The following SLC22A25 variants were observed in gnomAD, a reference collection of about 807,000 sequenced individuals.
SLC22A25 encodes the protein MGI:2442751, MGI:2385316, MGI:3042283, MGI:3645714, MGI:3605624, MGI:2442750.
In SLC22A25, 44 loss-of-function variants were observed where a neutral mutation model predicts 45.9. The ratio of observed to expected loss-of-function variants is 0.96; its 90% CI spans 0.75 to 1.23. The LOEUF (loss-of-function observed/expected upper bound fraction) is 1.23. Among genes scored for constraint, SLC22A25 ranks in the 50% most tolerant of loss-of-function variants. SLC22A25 has a pLI of 0.00. For missense variants in SLC22A25, 800 were observed against 666.4 expected (o/e 1.20, Z -2.21); for synonymous variants, 283 against 238.6 (o/e 1.19, Z -1.72).
intron 8 of SLC22A25, among the ~76,000 whole-genome samples, chr11:63,182,135 T>TA (rs147554304): frequency 0.018 from 2,674 of 152,100 alleles, 67 homozygotes; most frequent in African/African-American, 0.049. Context: ...ATTTACAAAA[T>TA]AAAAAAATCA....
intron 5 of SLC22A25, chr11:63,220,130 G>A: frequency 2.8e-6 from 2 of 704,908 alleles, no homozygotes; most frequent in Non-Finnish European, 4.2e-6. Context: ...GTAAGGTAGA[G>A]GTTGTAATAC....
At position 63,243,582 on chromosome 11, in the gene SLC22A25, C is replaced by T. The variant is rs2090287502; in HGVS notation, c.-1144G>A. ...ATTTATACCGACAACTCCATCAAGCCTCAGGAGCTGCTGGAGTGGGAACTG... is the reference window on the plus strand; with the variant it reads ...ATTTATACCGACAACTCCATCAAGCTTCAGGAGCTGCTGGAGTGGGAACTG... On this transcript the variant is annotated 5_prime_UTR_variant, in exon 1 of 12. Transcript: ENST00000306494. The T allele has an allele frequency of 1.3e-6, 1 of 766,512 alleles. No homozygotes were observed. Among genetic ancestry groups the T allele is most frequent in the Non-Finnish European group, 2.4e-6 (1 of 411,282 alleles). 47.5% of individuals were successfully genotyped at this position (766,512 alleles called of 1,614,324 possible).
chr11:63,190,832 G>T (rs1027437070), intron 7 of SLC22A25, among the ~76,000 whole-genome samples: 1 of 152,164 alleles, frequency 6.6e-6, no homozygotes, highest in African/African-American at 2.4e-5. Context: ...TGTTTGTCTG[G>T]GTATCAGCAG....
chr11:63,166,379 G>C, intron 9 of SLC22A25, 121 bp from the exon 10 acceptor site: 1 of 1,457,482 alleles, frequency 6.9e-7, no homozygotes, highest in Admixed American at 2.7e-5. Context: ...AGTGTGTTTT[G>C]TGGAATATTT....
chr11:63,195,714 C>T lies in SLC22A25; in HGVS notation c.831-11897G>A, dbSNP rs532661891. 7.9e-5 allele frequency among the ~76,000 whole-genome samples: 12 copies of T among 152,180 alleles called. No individual in the cohort carries two copies. In the East Asian group the frequency reaches 1.9e-3, roughly 24 times the overall value. ...AAAGAACTAGAGAAACAAGAGCAAA[C>T]ACATTCAAAAGCTAGCAGAAGGCAA... On this transcript the variant is annotated intron_variant, in intron 7 of 11. Transcript: ENST00000306494.
intron 7 of SLC22A25, among the ~76,000 whole-genome samples, chr11:63,186,772 G>A (rs1459343849): frequency 2.0e-5 from 3 of 152,114 alleles, no homozygotes. Context: ...TGGCTAGCCA[G>A]TTTTCCCAGC....
At chr11:63,199,763 A>T (rs561476304) in intron 7 of SLC22A25, among the ~76,000 whole-genome samples, 1 of 152,128 alleles carries the variant, frequency 6.6e-6, no homozygotes, top group Admixed American at 6.6e-5. Flanking sequence ...CAACCCTAAA[A>T]AAACACCTGA....
chr11:63,226,974 T>C (rs540032818), intron 5 of SLC22A25, among the ~76,000 whole-genome samples: 1 of 152,186 alleles, frequency 6.6e-6, no homozygotes, highest in South Asian at 2.1e-4. Context: ...TAACTTATGG[T>C]CCAAGGGCTG....
chr11:63,194,566 A>C (rs2088934027), intron 7 of SLC22A25, among the ~76,000 whole-genome samples: 1 of 152,152 alleles, frequency 6.6e-6, no homozygotes, highest in African/African-American at 2.4e-5. Flanking sequence ...TCAAGGAAGC[A>C]CTAAACATGG....
At chr11:63,236,903 T>G (rs2090174404) in intron 3 of SLC22A25, among the ~76,000 whole-genome samples, 1 of 152,224 alleles carries the variant, frequency 6.6e-6, no homozygotes. Flanking sequence ...CTGTCTGGGC[T>G]GTGGCTCCCT....
At position 63,162,177 on chromosome 11, in the gene SLC22A25, G is replaced by C. The variant is rs1212228024; in HGVS notation, c.*1647C>G. 6.6e-6 allele frequency among the ~76,000 whole-genome samples: 1 copy of C among 152,196 alleles called. No homozygotes were observed. The highest frequency in any genetic ancestry group is 1.5e-5 in the Non-Finnish European group (1 of 68,032). On this transcript the variant is annotated 3_prime_UTR_variant, in exon 12 of 12. Coordinates refer to ENST00000306494, the MANE Select transcript of SLC22A25 (RefSeq NM_199352.6). ...TATTCTGGTGATTAGTCCTTTGTCA[G>C]AGGGGTAGTTTGCAAGTATTTTCTC...
intron 5 of SLC22A25, among the ~76,000 whole-genome samples, chr11:63,221,398 A>G (rs925003200): frequency 1.3e-5 from 2 of 152,074 alleles, no homozygotes; most frequent in African/African-American, 4.8e-5. Flanking sequence ...GCACATTTTC[A>G]TATACCTGTT....
chr11:63,233,365 C>A (rs761747681), intron 3 of SLC22A25, among the ~76,000 whole-genome samples: 22 of 151,814 alleles, frequency 1.4e-4, no homozygotes, highest in Non-Finnish European at 2.2e-4. Flanking sequence ...TAGTCTTGGG[C>A]GGGTGTATGT....
chr11:63,165,893 CA>C, intron 10 of SLC22A25, 150 bp downstream of exon 10: 1 of 1,014,814 alleles, frequency 9.9e-7, no homozygotes, highest in Non-Finnish European at 1.4e-6. Context: ...TTCCGTGTGG[CA>C]AAATCTGTCC....
chr11:63,238,802 G>T lies in SLC22A25; in HGVS notation c.-662C>A. 8.2e-6 allele frequency: 2 copies of T among 244,868 alleles called. No individual in the cohort carries two copies. Among genetic ancestry groups the T allele is most frequent in the Non-Finnish European group, 8.7e-6 (1 of 115,044 alleles). 15.2% of individuals were successfully genotyped at this position (244,868 alleles called of 1,614,324 possible). A position where few individuals can be genotyped will look rare whatever the true frequency, so the allele number is the denominator to read the frequency against. ...TCCATGTCTGGTTCATTCATATTGA[G>T]GAATGTCCCATTCAGGTGAAGGAGC... is the stretch of plus-strand genomic sequence containing the variant. On this transcript the variant is annotated 5_prime_UTR_variant, in exon 2 of 12. Transcript: ENST00000306494.
intron 9 of SLC22A25, 100 bp downstream of exon 9, chr11:63,180,560 C>A: frequency 5.1e-6 from 4 of 789,608 alleles, no homozygotes; most frequent in Non-Finnish European, 7.9e-6. Context: ...CATCTTTTAT[C>A]CCCCAAATAT....
chr11:63,240,158 A>G (rs1190736086), intron 1 of SLC22A25, among the ~76,000 whole-genome samples: 2 of 152,198 alleles, frequency 1.3e-5, no homozygotes, highest in South Asian at 2.1e-4. Context: ...GTGTACCTAA[A>G]CGTATCTAAA....
intron 7 of SLC22A25, among the ~76,000 whole-genome samples, chr11:63,211,541 G>T (rs1391190475): frequency 6.6e-6 from 1 of 152,112 alleles, no homozygotes; most frequent in Non-Finnish European, 1.5e-5. Flanking sequence ...ATTGCAATAT[G>T]CCTGGACAAG....
chr11:63,214,425 T>C, intron 7 of SLC22A25, among the ~76,000 whole-genome samples: 1 of 152,108 alleles, frequency 6.6e-6, no homozygotes, highest in East Asian at 1.9e-4. Context: ...AATTAAAGAA[T>C]GTGTAAGCAG....
Sources: allele counts gnomAD v4.1 joint callset (sites outside exome capture counted in the v4.1 genomes callset), GRCh38; gene constraint gnomAD v4.1.1; transcripts MANE v1.5; gene names NCBI Gene and HGNC (gene_info 2026-07-23, HGNC 2026-07-21).